RSRC1: variants seen among roughly 807,000 people sequenced by gnomAD.
RSRC1 encodes the protein serine/Arginine-related protein 53.
Under a neutral mutation model 49.1 loss-of-function variants are expected in RSRC1, and 39 were observed. That is an observed-to-expected ratio of 0.79 (90% confidence interval 0.61 to 1.04). RSRC1 has a LOEUF of 1.04. Ranked by LOEUF, RSRC1 falls within the 50% of genes least tolerant of loss-of-function variation. The pLI is 0.00. For synonymous variants in RSRC1, 143 were observed against 130.8 expected (o/e 1.09, Z -0.63); for missense variants, 388 against 402.4 (o/e 0.96, Z 0.31).
chr3:158,188,618 T>G (rs1720058381), intron 3 of RSRC1, among the ~76,000 whole-genome samples: 1 of 151,934 alleles, frequency 6.6e-6, no homozygotes, highest in Non-Finnish European at 1.5e-5. Context: ...GTTTCATACA[T>G]TTTATCTGCT....
chr3:158,370,104 T>C (rs1731983479), intron 6 of RSRC1, among the ~76,000 whole-genome samples: 1 of 152,006 alleles, frequency 6.6e-6, no homozygotes, highest in Non-Finnish European at 1.5e-5. Context: ...AAAGTTAATA[T>C]TTATATTGAA....
intron 6 of RSRC1, among the ~76,000 whole-genome samples, chr3:158,452,930 C>G (rs1340704381): frequency 2.0e-5 from 3 of 152,118 alleles, no homozygotes; most frequent in Non-Finnish European, 4.4e-5. Flanking sequence ...TCCATGCATG[C>G]TTTCTGCCCT....
At chr3:158,148,112 T>C (rs954046473) in intron 3 of RSRC1, among the ~76,000 whole-genome samples, 1 of 152,202 alleles carries the variant, frequency 6.6e-6, no homozygotes, top group Non-Finnish European at 1.5e-5. Context: ...TGATGTATAC[T>C]TACCTATTAT....
At chr3:158,413,741 A>G (rs1178538972) in intron 6 of RSRC1, among the ~76,000 whole-genome samples, 5 of 152,170 alleles carry the variant, frequency 3.3e-5, no homozygotes. Context: ...AAAAACCTCA[A>G]CATCACTGGT....
chr3:158,503,883 C>G (rs924198354), intron 7 of RSRC1, among the ~76,000 whole-genome samples: 1 of 152,152 alleles, frequency 6.6e-6, no homozygotes, highest in Non-Finnish European at 1.5e-5. Context: ...CCGCTGAGTT[C>G]TGGCCAGGAG....
rs1034143848 is a variant in RSRC1 at position 158,173,299 on chromosome 3, A to G, written c.321-29773A>G. Among the ~76,000 whole-genome samples, 12 of 151,996 alleles carry G rather than the reference A, an allele frequency of 7.9e-5. No individual in the cohort carries two copies. In the East Asian group the frequency reaches 9.6e-4, roughly 12 times the overall value. On this transcript the variant is annotated intron_variant, in intron 3 of 9. Coordinates refer to ENST00000611884, the MANE Select transcript of RSRC1 (RefSeq NM_001271838.2). ...CTCATAACTCAATTTTTCAGTGTCT[A>G]TTGACTTTTCGTAACTCTATAGAAT...
chr3:158,517,480 A>G (rs1740637318), intron 7 of RSRC1, among the ~76,000 whole-genome samples: 1 of 152,016 alleles, frequency 6.6e-6, no homozygotes, highest in South Asian at 2.1e-4. Flanking sequence ...TACTTGCTTT[A>G]TCTTTTTTAT....
At chr3:158,369,597 C>G (rs1230513555) in intron 6 of RSRC1, among the ~76,000 whole-genome samples, 1 of 152,054 alleles carries the variant, frequency 6.6e-6, no homozygotes, top group Non-Finnish European at 1.5e-5. Flanking sequence ...TTTAAATAGA[C>G]TGGACCTTCA....
chr3:158,466,220 C>T (rs1737883846), intron 7 of RSRC1, among the ~76,000 whole-genome samples: 1 of 152,074 alleles, frequency 6.6e-6, no homozygotes. Context: ...CTAAGTCATA[C>T]TATTTTTGCT....
intron 4 of RSRC1, among the ~76,000 whole-genome samples, chr3:158,247,026 G>C (rs1334076428): frequency 6.6e-6 from 1 of 151,840 alleles, no homozygotes; most frequent in African/African-American, 2.4e-5. Flanking sequence ...ATCATTCATA[G>C]ATTCAGTCTC....
intron 5 of RSRC1, among the ~76,000 whole-genome samples, chr3:158,339,298 C>CA (rs57120150): frequency 0.011 from 783 of 73,660 alleles, 27 homozygotes; most frequent in African/African-American, 0.019. Context: ...GACTCCGTCT[C>CA]AAAAAAAAAA....
In RSRC1 at chr3:158,379,784, C is replaced by G. The variant is rs151267654; in HGVS notation, c.583+24876C>G. Among the ~76,000 whole-genome samples the G allele has an allele frequency of 1.6e-3, 232 of 147,854 alleles. 1 individual carries two copies. The highest frequency in any genetic ancestry group is 5.6e-3 in the African/African-American group (227 of 40,320). On this transcript the variant is annotated intron_variant, in intron 6 of 9. Transcript: ENST00000611884. ...GTCATCTGACTGAACTGCACCTCCC[C>G]CCTACACATACATACAAACACACGC...
In RSRC1 at chr3:158,235,042, T is replaced by C. The variant is rs114664194; in HGVS notation, c.494+31797T>C. On this transcript the variant is annotated intron_variant, in intron 4 of 9. Coordinates refer to ENST00000611884, the MANE Select transcript of RSRC1 (RefSeq NM_001271838.2). ...ACAGCAGGGTTACACAGATGGAAATTCATGGTGATGTTGGGGGAATTATGT... is the reference window on the plus strand; with the variant it reads ...ACAGCAGGGTTACACAGATGGAAATCCATGGTGATGTTGGGGGAATTATGT... 4.5e-3 allele frequency among the ~76,000 whole-genome samples: 679 copies of C among 152,258 alleles called. 5 individuals are homozygous for C. Among genetic ancestry groups the C allele is most frequent in the Admixed American group, 7.3e-3 (112 of 15,282 alleles).
chr3:158,176,811 CAA>C (rs1453373101), intron 3 of RSRC1, among the ~76,000 whole-genome samples: 5 of 152,058 alleles, frequency 3.3e-5, no homozygotes, highest in Admixed American at 6.5e-5. Context: ...TAATTAAACT[CAA>C]GAGCTTCTGC....
intron 7 of RSRC1, among the ~76,000 whole-genome samples, chr3:158,514,503 C>A (rs1410663570): frequency 6.6e-6 from 1 of 152,082 alleles, no homozygotes; most frequent in African/African-American, 2.4e-5. Flanking sequence ...AATTTCTGGT[C>A]TTTTACATTT....
chr3:158,533,030 C>T (rs1010467936), intron 7 of RSRC1, among the ~76,000 whole-genome samples: 14 of 151,612 alleles, frequency 9.2e-5, no homozygotes, highest in African/African-American at 3.1e-4. Flanking sequence ...TTTAAAACAA[C>T]GTAATATATA....
chr3:158,168,829 TGGATTTCTTGTATAGCTAA>T (rs1470791386), intron 3 of RSRC1, among the ~76,000 whole-genome samples: 1 of 152,174 alleles, frequency 6.6e-6, no homozygotes, highest in Non-Finnish European at 1.5e-5. Context: ...GGTACTGTAT[TGGATTTCTTGTATAGCTAA>T]GGTTGCTTTT....
At chr3:158,358,266 ACT>A (rs1176737993) in intron 6 of RSRC1, among the ~76,000 whole-genome samples, 1 of 151,906 alleles carries the variant, frequency 6.6e-6, no homozygotes, top group Non-Finnish European at 1.5e-5. Context: ...ATTTTCTTTG[ACT>A]CTTTTATAGG....
At chr3:158,225,173 T>C (rs1722456968) in intron 4 of RSRC1, among the ~76,000 whole-genome samples, 1 of 151,846 alleles carries the variant, frequency 6.6e-6, no homozygotes, top group Admixed American at 6.6e-5. Flanking sequence ...CTAGCCTGTT[T>C]CCCTGCAGAT....
Sources: allele counts gnomAD v4.1 joint callset (sites outside exome capture counted in the v4.1 genomes callset), GRCh38; gene constraint gnomAD v4.1.1; transcripts MANE v1.5; gene names NCBI Gene and HGNC (gene_info 2026-07-23, HGNC 2026-07-21).